ANKRD13A: variants seen among roughly 807,000 people sequenced by gnomAD.
ANKRD13A encodes the protein ankyrin repeat domain-containing protein 13A.
A neutral mutation model predicts 81.3 loss-of-function variants in ANKRD13A; 48 were observed. The observed-to-expected ratio is 0.59, with a 90% CI of 0.47 to 0.75. The LOEUF is 0.75. Ranked by LOEUF, ANKRD13A falls within the 30% of genes least tolerant of loss-of-function variation. The pLI is 0.00. For missense variants in ANKRD13A, 612 were observed against 734.0 expected, an observed-to-expected ratio of 0.83 and a Z score of 1.92; for synonymous variants, 230 against 270.1, an observed-to-expected ratio of 0.85 and a Z score of 1.45.
At position 110,037,351 on chromosome 12, in the gene ANKRD13A, C is replaced by T. The variant is rs765006939; in HGVS notation, c.1578-8C>T. On this transcript the variant is annotated splice_region_variant and splice_polypyrimidine_tract_variant and intron_variant, in intron 14 of 14. Coordinates refer to ENST00000261739, the MANE Select transcript of ANKRD13A (RefSeq NM_033121.2). Reference sequence around the variant, plus strand: ...TGACTCTCCCTTTTTATCTGTTTTCCAACCCAGGGCCATCCAGGAGAGCCT... The same window carrying T: ...TGACTCTCCCTTTTTATCTGTTTTCTAACCCAGGGCCATCCAGGAGAGCCT... 1.9e-5 allele frequency: 30 copies of T among 1,605,250 alleles called. No individual in the cohort carries two copies. The South Asian group carries it at 3.2e-4, about 17-fold the overall frequency.
chr12:110,029,747 C>T lies in ANKRD13A; in HGVS notation c.1234+112C>T, dbSNP rs931733893. 5.6e-6 allele frequency: 7 copies of T among 1,246,712 alleles called. No individual in the cohort carries two copies. The African/African-American group carries it at 5.9e-5, about 11-fold the overall frequency. 77.2% of individuals were successfully genotyped at this position (1,246,712 alleles called of 1,614,324 possible). ...ATTGGAGTGCTTTAGGTCAAAGTAG[C>T]TTATAGACATAACAGAGGAGGTCAG... On this transcript the variant is annotated intron_variant, in intron 11 of 14. Transcript: ENST00000261739.
At chr12:110,029,292 G>T in intron 10 of ANKRD13A, 186 bp from the exon 11 acceptor site, 16 of 530,798 alleles carry the variant, frequency 3.0e-5, no homozygotes, top group Middle Eastern at 3.5e-4. Context: ...TGCCTTTATT[G>T]CCAGATTTTA....
rs1889834300 is a variant in ANKRD13A, at chr12:109,999,618, C to A, written c.-71C>A. The stretch of plus-strand genomic sequence containing the variant: ...GCTCGCCGGCCTCAGGGCAGGCAGG[C>A]GGGCGCGGGAGACCCCGCCGGGGCC... On this transcript the variant is annotated 5_prime_UTR_variant, in exon 1 of 15. Transcript: ENST00000261739. The surrounding 1 kb of genome is among the most constrained non-coding windows in gnomAD (Gnocchi z 4.3). The A allele has an allele frequency of 2.3e-6, 3 of 1,304,508 alleles. No homozygotes were observed. Among genetic ancestry groups the A allele is most frequent in the South Asian group, 2.9e-5 (2 of 69,822 alleles). The allele number at this position is 1,304,508 out of a possible 1,614,324, so 80.8% of individuals were successfully genotyped here.
rs1892245694 is a variant in ANKRD13A at position 110,039,477 on chromosome 12, T to C, written c.*1923T>C. The C allele has an allele frequency of 6.6e-6, 1 of 152,242 alleles. No homozygotes were observed. Among genetic ancestry groups the C allele is most frequent in the Non-Finnish European group, 1.5e-5 (1 of 68,052 alleles). The allele number at this position is 152,242 out of a possible 1,614,324, so 9.4% of individuals were successfully genotyped here. ...TTCCTTTTCAGTTTTTTCTAGTCAC[T>C]GGATGTACCCACACTTCCTGTTACG... is the stretch of plus-strand genomic sequence containing the variant. On this transcript the variant is annotated 3_prime_UTR_variant, in exon 15 of 15. Coordinates refer to ENST00000261739, the MANE Select transcript of ANKRD13A (RefSeq NM_033121.2).
rs1480944661 is a variant in ANKRD13A, at chr12:110,009,772, GA to G, written c.97-2226del. On this transcript the variant is annotated intron_variant, in intron 1 of 14. Coordinates refer to ENST00000261739, the MANE Select transcript of ANKRD13A (RefSeq NM_033121.2). ...AGGTGCTCCTCTGTGGTCCGAAGTA[GA>G]AAAAAAGTTAACATCGTAATGTATT... is the stretch of plus-strand genomic sequence containing the variant. Among the ~76,000 whole-genome samples, 6 of 152,134 alleles carry G rather than the reference GA, an allele frequency of 3.9e-5. No individual in the cohort carries two copies. In the East Asian group the frequency reaches 1.2e-3, roughly 29 times the overall value.
Position 109,999,909 on chromosome 12 carries a change from G to C in ANKRD13A, c.96+125G>C. 1 of 787,438 alleles carries C rather than the reference G, an allele frequency of 1.3e-6. No individual in the cohort carries two copies. Among genetic ancestry groups the C allele is most frequent in the Non-Finnish European group, 1.9e-6 (1 of 528,834 alleles). The allele number at this position is 787,438 out of a possible 1,614,324, so 48.8% of individuals were successfully genotyped here. A position where few individuals can be genotyped will look rare whatever the true frequency, so the allele number is the denominator to read the frequency against. ...TCCCCAGACCCCTTCCACTTTGCAGGTGTGGGACAGTCCTAATAATAGGAC... is the reference window on the plus strand; with the variant it reads ...TCCCCAGACCCCTTCCACTTTGCAGCTGTGGGACAGTCCTAATAATAGGAC... On this transcript the variant is annotated intron_variant, in intron 1 of 14. Transcript: ENST00000261739. The surrounding 1 kb of genome is among the most constrained non-coding windows in gnomAD (Gnocchi z 4.3).
chr12:110,034,365 C>T (rs1266403810), intron 13 of ANKRD13A, among the ~76,000 whole-genome samples: 1 of 152,110 alleles, frequency 6.6e-6, no homozygotes, highest in East Asian at 1.9e-4. Flanking sequence ...ACAAAGGGTA[C>T]CATCTCCCTA....
Position 110,010,747 on chromosome 12 carries a change from A to G in ANKRD13A, c.97-1258A>G, listed in dbSNP as rs59470102. The stretch of plus-strand genomic sequence containing the variant: ...ATAAGAGTTATCTTCACTGTATAAT[A>G]GCCATGACATAGTTTTCGCAAAACA... On this transcript the variant is annotated intron_variant, in intron 1 of 14. Transcript: ENST00000261739. Among the ~76,000 whole-genome samples the G allele has an allele frequency of 5.9e-3, 903 of 152,312 alleles. 16 individuals are homozygous for G. The highest frequency in any genetic ancestry group is 0.021 in the African/African-American group (869 of 41,554).
At chr12:110,004,575 G>A (rs1264786772) in intron 1 of ANKRD13A, among the ~76,000 whole-genome samples, 3 of 152,114 alleles carry the variant, frequency 2.0e-5, no homozygotes, top group Non-Finnish European at 2.9e-5. Flanking sequence ...AGATCTCGGT[G>A]AGCTAAGATT....
At position 110,030,652 on chromosome 12, in the gene ANKRD13A, C is replaced by T; in HGVS notation, c.1242C>T (p.Pro414=). Residue 414 remains proline, a synonymous_variant, in exon 12 of 15, where the codon CCC becomes CCT. Transcript: ENST00000261739. ...TTTTATTTTGTTTGTTAGAAATTCC[C>T]TTGTTTCATGTCTTAAATGCACGGA... The part of the protein sequence containing the change: ...PPGFPVKIEI[P]LFHVLNARIT... 3 of 1,588,316 alleles carry T rather than the reference C, an allele frequency of 1.9e-6. No homozygotes were observed. Among genetic ancestry groups the T allele is most frequent in the South Asian group, 1.2e-5 (1 of 86,340 alleles).
intron 9 of ANKRD13A, 96 bp downstream of exon 9, chr12:110,027,862 C>G: frequency 8.0e-7 from 1 of 1,244,848 alleles, no homozygotes; most frequent in Non-Finnish European, 1.2e-6. Context: ...ACAGCCCACT[C>G]TATGTAAAGG....
Position 110,009,150 on chromosome 12 carries a change from C to T in ANKRD13A, c.97-2855C>T, listed in dbSNP as rs187024491. On this transcript the variant is annotated intron_variant, in intron 1 of 14. Coordinates refer to ENST00000261739, the MANE Select transcript of ANKRD13A (RefSeq NM_033121.2). ...AGGCTGGAGTGCAATGGCACAATCT[C>T]GGCTCACCACAACCTCCGCCTTCCG... 5.8e-3 allele frequency among the ~76,000 whole-genome samples: 883 copies of T among 152,212 alleles called. 11 individuals are homozygous for T. The highest frequency in any genetic ancestry group is 0.02 in the African/African-American group (814 of 41,560).
intron 9 of ANKRD13A, 56 bp from the exon 10 acceptor site, chr12:110,028,456 C>G: frequency 6.2e-7 from 1 of 1,604,622 alleles, no homozygotes; most frequent in Non-Finnish European, 8.5e-7. Flanking sequence ...TGCCACAGGC[C>G]TTCACTTGTG....
intron 1 of ANKRD13A, among the ~76,000 whole-genome samples, chr12:110,011,255 G>A (rs990792863): frequency 3.3e-5 from 5 of 152,202 alleles, no homozygotes; most frequent in South Asian, 4.1e-4. Context: ...CTCTGGACAC[G>A]CGGTGCAGGT....
intron 3 of ANKRD13A, 43 bp downstream of exon 3, chr12:110,013,292 C>G: frequency 6.2e-7 from 1 of 1,609,442 alleles, no homozygotes; most frequent in Non-Finnish European, 8.5e-7. Flanking sequence ...GAGCTAAATG[C>G]TGATACAATT....
At chr12:110,009,812 G>A (rs887800678) in intron 1 of ANKRD13A, among the ~76,000 whole-genome samples, 1 of 152,156 alleles carries the variant, frequency 6.6e-6, no homozygotes, top group Non-Finnish European at 1.5e-5. Context: ...CTTTTATTTT[G>A]TACATCATCT....
chr12:110,019,037 G>A (rs1890938923), intron 5 of ANKRD13A, 102 bp from the exon 6 acceptor site: 31 of 1,255,050 alleles, frequency 2.5e-5, no homozygotes, highest in Admixed American at 7.2e-5. Context: ...ATAGCACCTG[G>A]GAGGACACAC....
intron 4 of ANKRD13A, among the ~76,000 whole-genome samples, chr12:110,017,824 C>T (rs186032978): frequency 2.0e-4 from 30 of 151,892 alleles, no homozygotes; most frequent in Admixed American, 1.1e-3. Flanking sequence ...CCCAGCTACT[C>T]GGGAAGCTAA....
intron 10 of ANKRD13A, 54 bp from the exon 11 acceptor site, chr12:110,029,424 C>T: frequency 7.6e-6 from 12 of 1,587,302 alleles, no homozygotes; most frequent in Non-Finnish European, 1.0e-5. Context: ...GCAATAATCT[C>T]CTTTTCCCAT....
Sources: allele counts gnomAD v4.1 joint callset (sites outside exome capture counted in the v4.1 genomes callset), GRCh38; gene constraint gnomAD v4.1.1; non-coding constraint Gnocchi (gnomAD v3.1); transcripts MANE v1.5; gene names NCBI Gene and HGNC (gene_info 2026-07-23, HGNC 2026-07-21).